Variants in LRMDA observed in about 807,000 individuals in gnomAD.
The protein encoded by LRMDA is leucine-rich melanocyte differentiation-associated protein.
Under a neutral mutation model 29.8 loss-of-function variants are expected in LRMDA, and 18 were observed. The ratio of observed to expected loss-of-function variants is 0.60; its 90% CI spans 0.42 to 0.90. The LOEUF is 0.90. Ranked by LOEUF, LRMDA falls within the 40% of genes least tolerant of loss-of-function variation. LRMDA has a pLI of 0.00. For missense variants in LRMDA, 273 were observed against 273.9 expected (o/e 1.00, Z 0.02); for synonymous variants, 125 against 109.4 (o/e 1.14, Z -0.89).
chr10:75,912,044 CTG>C (rs1352510017), intron 2 of LRMDA, among the ~76,000 whole-genome samples: 3 of 152,106 alleles, frequency 2.0e-5, no homozygotes, highest in African/African-American at 7.2e-5. Flanking sequence ...ATTAAAAACT[CTG>C]TTATTTTTCA....
In LRMDA at chr10:76,255,066, T is replaced by A. The variant is rs147459555; in HGVS notation, c.517-69335T>A. Among the ~76,000 whole-genome samples, 419 of 152,334 alleles carry A rather than the reference T, an allele frequency of 2.8e-3. 22 individuals carry two copies. In the East Asian group the frequency reaches 0.062, roughly 23 times the overall value. On this transcript the variant is annotated intron_variant, in intron 5 of 6. Coordinates refer to ENST00000611255, the MANE Select transcript of LRMDA (RefSeq NM_001305581.2). ...ATCTGCTCATAGCCAGCAACATGAT[T>A]TGTTCTTTTATTCGTTCACCTCTTT... is the stretch of plus-strand genomic sequence containing the variant.
chr10:75,438,259 CAA>C (rs1329807770), intron 1 of LRMDA, 133 bp from the exon 2 acceptor site: 1 of 717,104 alleles, frequency 1.4e-6, no homozygotes, highest in Non-Finnish European at 2.4e-6. Context: ...GAAACAGTCA[CAA>C]GTGTGGCCTT....
intron 2 of LRMDA, among the ~76,000 whole-genome samples, chr10:75,962,743 A>G (rs1253660214): frequency 6.6e-6 from 1 of 152,224 alleles, no homozygotes; most frequent in Admixed American, 6.5e-5. Context: ...ACCTCCAGAA[A>G]AATACATTCA....
intron 2 of LRMDA, among the ~76,000 whole-genome samples, chr10:75,459,489 C>T (rs1428420146): frequency 1.3e-5 from 2 of 152,202 alleles, no homozygotes; most frequent in Non-Finnish European, 2.9e-5. Flanking sequence ...CACAAAAGCA[C>T]ACGCTTCCAA....
chr10:76,011,423 G>A (rs1290212959), intron 2 of LRMDA, among the ~76,000 whole-genome samples: 2 of 152,122 alleles, frequency 1.3e-5, no homozygotes, highest in African/African-American at 4.8e-5. Context: ...CTCGTCTCCC[G>A]TACCTCTGGA....
At chr10:76,225,965 G>C (rs1208028685) in intron 5 of LRMDA, among the ~76,000 whole-genome samples, 1 of 146,418 alleles carries the variant, frequency 6.8e-6, no homozygotes, top group Admixed American at 7.2e-5. Flanking sequence ...CTACGAATGA[G>C]AACATGTGGT....
chr10:76,517,215 A>G (rs982531464), intron 6 of LRMDA, among the ~76,000 whole-genome samples: 4 of 152,160 alleles, frequency 2.6e-5, no homozygotes, highest in Non-Finnish European at 5.9e-5. Flanking sequence ...GAATTCTTCA[A>G]AATGATGAAA....
At chr10:76,253,186 G>A (rs987505971) in intron 5 of LRMDA, among the ~76,000 whole-genome samples, 1 of 152,098 alleles carries the variant, frequency 6.6e-6, no homozygotes, top group African/African-American at 2.4e-5. Flanking sequence ...TGCATATTAT[G>A]GGTCTTTGGG....
intron 2 of LRMDA, among the ~76,000 whole-genome samples, chr10:75,972,721 G>A (rs986885465): frequency 2.0e-5 from 3 of 152,238 alleles, no homozygotes; most frequent in Admixed American, 6.5e-5. Flanking sequence ...ATGAGAGATC[G>A]GAGAGAGGCC....
At chr10:76,364,906 A>G (rs1322265865) in intron 6 of LRMDA, among the ~76,000 whole-genome samples, 3 of 151,352 alleles carry the variant, frequency 2.0e-5, no homozygotes, top group Non-Finnish European at 2.9e-5. Context: ...ATACCTTTGC[A>G]TCTTCATAGC....
intron 5 of LRMDA, among the ~76,000 whole-genome samples, chr10:76,300,853 G>C (rs1840471960): frequency 6.6e-6 from 1 of 152,174 alleles, no homozygotes; most frequent in Non-Finnish European, 1.5e-5. Flanking sequence ...GTTTCCCCAA[G>C]AATACCATTG....
chr10:75,727,573 A>G (rs1191777075), intron 2 of LRMDA, among the ~76,000 whole-genome samples: 1 of 152,216 alleles, frequency 6.6e-6, no homozygotes, highest in African/African-American at 2.4e-5. Flanking sequence ...TACACTGTGT[A>G]TATTTTACAG....
chr10:75,779,139 A>T (rs1227240179), intron 2 of LRMDA, among the ~76,000 whole-genome samples: 7 of 152,194 alleles, frequency 4.6e-5, no homozygotes, highest in African/African-American at 1.7e-4. Flanking sequence ...AGAAATTTTT[A>T]CACAAGTCAG....
At chr10:75,599,149 GGCCTCTGA>G (rs59967345) in intron 2 of LRMDA, among the ~76,000 whole-genome samples, 15,962 of 151,986 alleles carry the variant, frequency 0.11, 2,596 homozygotes, top group African/African-American at 0.35. Flanking sequence ...TGGCGTTCAC[GGCCTCTGA>G]GCCTCTGAGC....
intron 5 of LRMDA, among the ~76,000 whole-genome samples, chr10:76,063,478 G>T (rs1182971166): frequency 6.6e-6 from 1 of 152,046 alleles, no homozygotes; most frequent in Non-Finnish European, 1.5e-5. Flanking sequence ...TTCCCATCGT[G>T]TAGTTTGTGT....
At chr10:75,920,462 A>G (rs762778724) in intron 2 of LRMDA, among the ~76,000 whole-genome samples, 1 of 152,332 alleles carries the variant, frequency 6.6e-6, no homozygotes, top group Middle Eastern at 3.4e-3. Context: ...AGTCAGCAAT[A>G]TTAGTAGTCT....
At chr10:75,867,729 C>T (rs1382679161) in intron 2 of LRMDA, among the ~76,000 whole-genome samples, 1 of 152,152 alleles carries the variant, frequency 6.6e-6, no homozygotes, top group Non-Finnish European at 1.5e-5. Flanking sequence ...TCTGTTTTCT[C>T]CTGTGATTCC....
At chr10:76,263,281 TA>T (rs71649472) in intron 5 of LRMDA, among the ~76,000 whole-genome samples, 11,253 of 151,854 alleles carry the variant, frequency 0.074, 1,275 homozygotes, top group African/African-American at 0.25. Flanking sequence ...CTTTTTTTTT[TA>T]AAAAAAGATC....
chr10:76,220,133 T>G (rs1283403398), intron 5 of LRMDA, among the ~76,000 whole-genome samples: 1 of 152,132 alleles, frequency 6.6e-6, no homozygotes, highest in Non-Finnish European at 1.5e-5. Context: ...TACAGGGAAA[T>G]TTATAGCACT....
Sources: gnomAD v4.1 joint callset for allele counts (sites outside exome capture counted in the v4.1 genomes callset) on GRCh38, gnomAD v4.1.1 for gene constraint, MANE v1.5 for transcripts, NCBI Gene and HGNC (gene_info 2026-07-23, HGNC 2026-07-21) for gene names.